DYNC1I1: variants seen among roughly 807,000 people sequenced by gnomAD.
DYNC1I1 encodes cytoplasmic dynein 1 intermediate chain 1.
DYNC1I1 carries 43 observed loss-of-function variants against 86.6 expected under a neutral mutation model. That is an observed-to-expected ratio of 0.50 (90% CI 0.39 to 0.64). The LOEUF (loss-of-function observed/expected upper bound fraction) is 0.64, where lower values mean the gene tolerates loss of function less well. Ranked by LOEUF, DYNC1I1 falls within the 30% of genes least tolerant of loss-of-function variation. DYNC1I1 has a pLI of 0.00. For synonymous variants in DYNC1I1, 262 were observed against 283.7 expected (o/e 0.92, Z 0.77); for missense variants, 604 against 788.8 (o/e 0.77, Z 2.81).
At chr7:96,029,982 T>C (rs2115973672) in intron 11 of DYNC1I1, among the ~76,000 whole-genome samples, 1 of 151,878 alleles carries the variant, frequency 6.6e-6, no homozygotes, top group Non-Finnish European at 1.5e-5. Context: ...TGCTGTTTTG[T>C]TGTTGTTGTT....
At chr7:95,879,530 CAA>C (rs1019103516) in intron 6 of DYNC1I1, among the ~76,000 whole-genome samples, 6 of 93,918 alleles carry the variant, frequency 6.4e-5, no homozygotes, top group African/African-American at 2.0e-4. Context: ...ATAAAATAAT[CAA>C]AGAGTAAAAA....
chr7:95,804,313 T>A (rs1232929862), intron 1 of DYNC1I1: 2 of 1,239,960 alleles, frequency 1.6e-6, no homozygotes, highest in South Asian at 2.8e-5. Flanking sequence ...ACAGGCTGTT[T>A]TCTTTTCTCA....
intron 1 of DYNC1I1, among the ~76,000 whole-genome samples, chr7:95,784,012 T>C (rs1448202924): frequency 6.6e-6 from 1 of 152,206 alleles, no homozygotes; most frequent in East Asian, 1.9e-4. Context: ...AGTACAAACA[T>C]TGACTTCCTG....
intron 1 of DYNC1I1, among the ~76,000 whole-genome samples, chr7:95,786,876 G>A (rs1159254641): frequency 5.9e-5 from 9 of 152,154 alleles, no homozygotes; most frequent in Non-Finnish European, 1.2e-4. Flanking sequence ...TTGGGGTTAT[G>A]TGACTGTATA....
intron 6 of DYNC1I1, among the ~76,000 whole-genome samples, chr7:95,892,401 C>T (rs1461912538): frequency 6.6e-6 from 1 of 152,130 alleles, no homozygotes; most frequent in South Asian, 2.1e-4. Flanking sequence ...AGCTCCACCT[C>T]CCGGGTTCAC....
At chr7:96,085,301 A>G (rs926801152) in intron 16 of DYNC1I1, among the ~76,000 whole-genome samples, 9 of 152,188 alleles carry the variant, frequency 5.9e-5, no homozygotes, top group Non-Finnish European at 1.2e-4. Flanking sequence ...TGAACTTCTG[A>G]AGGGGTAAAC....
At chr7:95,877,318 A>T (rs939467529) in intron 6 of DYNC1I1, among the ~76,000 whole-genome samples, 4 of 152,216 alleles carry the variant, frequency 2.6e-5, no homozygotes, top group Admixed American at 6.5e-5. Flanking sequence ...ATGGGACCCC[A>T]ACTGTCTTCT....
At chr7:95,907,354 C>A (rs1000360950) in intron 6 of DYNC1I1, among the ~76,000 whole-genome samples, 3 of 152,172 alleles carry the variant, frequency 2.0e-5, no homozygotes, top group African/African-American at 7.2e-5. Context: ...GCCAGAATGA[C>A]CGTTTATATT....
At chr7:95,905,676 C>T (rs1791157909) in intron 6 of DYNC1I1, among the ~76,000 whole-genome samples, 1 of 151,042 alleles carries the variant, frequency 6.6e-6, no homozygotes, top group South Asian at 2.1e-4. Context: ...GACTGGACTT[C>T]TACTAACGCC....
intron 16 of DYNC1I1, among the ~76,000 whole-genome samples, chr7:96,108,212 T>C (rs893995399): frequency 6.6e-6 from 1 of 152,302 alleles, no homozygotes; most frequent in East Asian, 1.9e-4. Flanking sequence ...ATGATTTTCT[T>C]TTTAATTAGT....
intron 13 of DYNC1I1, among the ~76,000 whole-genome samples, chr7:96,036,250 TC>T (rs900350458): frequency 6.6e-6 from 1 of 152,132 alleles, no homozygotes; most frequent in African/African-American, 2.4e-5. Flanking sequence ...CACCTTTAAG[TC>T]CCATAGAATT....
intron 10 of DYNC1I1, among the ~76,000 whole-genome samples, chr7:96,003,313 A>T (rs188516944): frequency 6.6e-6 from 1 of 152,352 alleles, no homozygotes; most frequent in Non-Finnish European, 1.5e-5. Context: ...TCTTGTACCT[A>T]CGTAGCTCAC....
chr7:95,988,578 A>G (rs1400703047), intron 9 of DYNC1I1, among the ~76,000 whole-genome samples: 1 of 152,232 alleles, frequency 6.6e-6, no homozygotes, highest in Non-Finnish European at 1.5e-5. Context: ...GTGTGGTGAC[A>G]TCAGAATTTG....
intron 7 of DYNC1I1, among the ~76,000 whole-genome samples, chr7:95,981,371 A>G (rs11763926): frequency 0.083 from 12,556 of 152,178 alleles, 611 homozygotes; most frequent in Admixed American, 0.11. Context: ...AAGTATTTTC[A>G]TATAAAAAAT....
At chr7:95,998,423 C>T (rs1249818758) in intron 10 of DYNC1I1, among the ~76,000 whole-genome samples, 1 of 152,208 alleles carries the variant, frequency 6.6e-6, no homozygotes, top group African/African-American at 2.4e-5. Context: ...CCTTCTAACC[C>T]TAAATGGAAA....
At chr7:96,037,279 G>T (rs1257967967) in intron 13 of DYNC1I1, among the ~76,000 whole-genome samples, 1 of 152,110 alleles carries the variant, frequency 6.6e-6, no homozygotes, top group Non-Finnish European at 1.5e-5. Context: ...CTTTATCAAA[G>T]CATAAAAATA....
chr7:95,923,015 T>C (rs1791651536), intron 6 of DYNC1I1, among the ~76,000 whole-genome samples: 2 of 152,146 alleles, frequency 1.3e-5, no homozygotes, highest in Non-Finnish European at 2.9e-5. Flanking sequence ...AAAATTAATT[T>C]CAATTAAAAT....
At chr7:96,053,171 C>T (rs185249666) in intron 14 of DYNC1I1, among the ~76,000 whole-genome samples, 1 of 152,174 alleles carries the variant, frequency 6.6e-6, no homozygotes, top group Non-Finnish European at 1.5e-5. Context: ...CCGCCCAATT[C>T]ACTACATCTA....
intron 10 of DYNC1I1, 34 bp downstream of exon 10, chr7:95,996,107 T>C: frequency 6.2e-7 from 1 of 1,613,600 alleles, no homozygotes; most frequent in Non-Finnish European, 8.5e-7. Flanking sequence ...AACTTACATC[T>C]CCTGCTAGAC....
Sources: gnomAD v4.1 joint callset for allele counts (sites outside exome capture counted in the v4.1 genomes callset) on GRCh38, gnomAD v4.1.1 for gene constraint, MANE v1.5 for transcripts, NCBI Gene and HGNC (gene_info 2026-07-23, HGNC 2026-07-21) for gene names.